The following DPYSL4 variants were observed in gnomAD, a reference collection of about 807,000 sequenced individuals.
DPYSL4 encodes dihydropyrimidinase-related protein 4.
Under a neutral mutation model 63.4 loss-of-function variants are expected in DPYSL4, and 43 were observed. The ratio of observed to expected loss-of-function variants is 0.68; its 90% CI spans 0.53 to 0.88. The LOEUF (loss-of-function observed/expected upper bound fraction) is 0.88, where lower values mean the gene tolerates loss of function less well. Among genes scored for constraint, DPYSL4 ranks in the 40% least tolerant of loss-of-function variants. The pLI, the probability that DPYSL4 is intolerant of heterozygous loss-of-function variation, is 0.00. For synonymous variants in DPYSL4, 353 were observed against 331.7 expected (o/e 1.06, Z -0.70); for missense variants, 733 against 819.5 (o/e 0.89, Z 1.29).
Position 132,198,847 on chromosome 10 carries a change from C to G in DPYSL4, c.691-4C>G. The G allele has an allele frequency of 6.2e-7, 1 of 1,612,834 alleles. No individual in the cohort carries two copies. The highest frequency in any genetic ancestry group is 8.5e-7 in the Non-Finnish European group (1 of 1,179,856). On this transcript the variant is annotated splice_region_variant and splice_polypyrimidine_tract_variant and intron_variant, in intron 7 of 13. Coordinates refer to ENST00000338492, the MANE Select transcript of DPYSL4 (RefSeq NM_006426.3). ...TGGCCTCATCCCTCTCATCTCGTCCCCAGGTGGAGGCTGAGGCGGTGTACC... is the reference window on the plus strand; with the variant it reads ...TGGCCTCATCCCTCTCATCTCGTCCGCAGGTGGAGGCTGAGGCGGTGTACC...
At chr10:132,202,477 C>T (rs1425161211) in intron 11 of DPYSL4, among the ~76,000 whole-genome samples, 169 bp from the exon 12 acceptor site, 3 of 152,244 alleles carry the variant, frequency 2.0e-5, no homozygotes, top group African/African-American at 7.2e-5. Flanking sequence ...CGAGGGGGGG[C>T]ATTCCTCCCG....
intron 1 of DPYSL4, among the ~76,000 whole-genome samples, chr10:132,188,616 G>C (rs2061834776): frequency 6.6e-6 from 1 of 152,228 alleles, no homozygotes; most frequent in African/African-American, 2.4e-5. Context: ...TGTAGACCAA[G>C]GGTCTAAAAC....
Position 132,203,822 on chromosome 10 carries a change from G to C in DPYSL4, c.1522G>C (p.Val508Leu), listed in dbSNP as rs751650284. The C allele has an allele frequency of 6.2e-7, 1 of 1,612,620 alleles. No individual in the cohort carries two copies. Among genetic ancestry groups the C allele is most frequent in the African/African-American group, 1.3e-5 (1 of 74,948 alleles). The change falls in exon 13 of 14, where the codon GTG (valine) becomes CTG (leucine). Residue 508 changes from valine (V) to leucine (L), a missense_variant. Transcript: ENST00000338492. The part of the protein sequence containing the change: ...LYDGPVHEVM[V>L]PAKPGSGAPA... Reference sequence around the variant, plus strand: ...TGACGGGCCCGTCCACGAGGTGATGGTGCCTGCCAAGCCAGGGAGTGGCGC... The same window carrying C: ...TGACGGGCCCGTCCACGAGGTGATGCTGCCTGCCAAGCCAGGGAGTGGCGC...
chr10:132,191,002 C>T (rs1269435417), intron 2 of DPYSL4, among the ~76,000 whole-genome samples, 167 bp downstream of exon 2: 10 of 108,268 alleles, frequency 9.2e-5, no homozygotes, highest in East Asian at 4.1e-4. Flanking sequence ...ACGCTGGCCA[C>T]GTGGTATCCA....
intron 1 of DPYSL4, among the ~76,000 whole-genome samples, chr10:132,189,511 G>A (rs556549882): frequency 1.3e-5 from 2 of 152,340 alleles, no homozygotes; most frequent in South Asian, 2.1e-4. Context: ...TGTGCTGCCA[G>A]GGCTGACCTA....
intron 13 of DPYSL4, 135 bp downstream of exon 13, chr10:132,204,062 G>A (rs1179977325): frequency 1.7e-6 from 2 of 1,190,636 alleles, no homozygotes; most frequent in Non-Finnish European, 2.3e-6. Context: ...GGCAGGAGAT[G>A]CTGCTGGGGG....
chr10:132,194,991 G>T lies in DPYSL4; in HGVS notation c.460G>T (p.Ala154Ser), dbSNP rs1287410714. The change falls in exon 4 of 14, where the codon GCC becomes TCC. Residue 154 changes from alanine to serine, a missense_variant. Coordinates refer to ENST00000338492, the MANE Select transcript of DPYSL4 (RefSeq NM_006426.3). ...TGAGAGCATCAAGGAGGAGCTGGAG[G>T]CCCTGGTCAAGGAGAAGGGTGAGGG... ...WHESIKEELEALVKEKGVNSF... is the reference protein window; with the variant it reads ...WHESIKEELESLVKEKGVNSF... 4.4e-6 allele frequency: 7 copies of T among 1,606,020 alleles called. No homozygotes were observed. The highest frequency in any genetic ancestry group is 5.1e-6 in the Non-Finnish European group (6 of 1,179,838).
intron 7 of DPYSL4, 40 bp downstream of exon 7, chr10:132,198,523 C>A: frequency 6.4e-7 from 1 of 1,552,304 alleles, no homozygotes; most frequent in South Asian, 1.2e-5. Flanking sequence ...GAGCCAACTC[C>A]GCCCAGACCA....
At chr10:132,193,581 C>T (rs1315089000) in intron 3 of DPYSL4, among the ~76,000 whole-genome samples, 1 of 152,252 alleles carries the variant, frequency 6.6e-6, no homozygotes, top group African/African-American at 2.4e-5. Context: ...GTGCCATTCA[C>T]TCTGCGGCGT....
intron 1 of DPYSL4, among the ~76,000 whole-genome samples, chr10:132,190,456 A>T (rs2061858811): frequency 6.6e-6 from 1 of 152,228 alleles, no homozygotes. Flanking sequence ...AAATCAGAAG[A>T]TATAAATATG....
At chr10:132,194,391 C>T (rs2061914656) in intron 3 of DPYSL4, among the ~76,000 whole-genome samples, 1 of 152,182 alleles carries the variant, frequency 6.6e-6, no homozygotes, top group Admixed American at 6.5e-5. Flanking sequence ...TCTTGTGGGG[C>T]ACTCGGGAAA....
intron 4 of DPYSL4, 33 bp downstream of exon 4, chr10:132,195,042 A>G (rs968118143): frequency 6.3e-7 from 1 of 1,586,782 alleles, no homozygotes; most frequent in Non-Finnish European, 8.5e-7. Flanking sequence ...GAGGGCGGGC[A>G]TGGAGCCTGG....
chr10:132,192,349 A>G (rs1035157318), intron 2 of DPYSL4: 33 of 1,038,748 alleles, frequency 3.2e-5, no homozygotes, highest in Non-Finnish European at 3.6e-5. Flanking sequence ...CTATTAGCGC[A>G]CCTGCTTCCG....
chr10:132,202,547 G>A lies in DPYSL4; in HGVS notation c.1282-99G>A, dbSNP rs1313211951. The A allele has an allele frequency of 2.7e-6, 4 of 1,492,250 alleles. No individual in the cohort carries two copies. In the East Asian group the frequency reaches 9.2e-5, roughly 34 times the overall value. 92.4% of individuals were successfully genotyped at this position (1,492,250 alleles called of 1,614,324 possible). A position where few individuals can be genotyped will look rare whatever the true frequency, so the allele number is the denominator to read the frequency against. ...GGCTCAGTGTAGGCACACCGGGCCT[G>A]CTCCACGCTGGGCGGCCACAGTGCT... On this transcript the variant is annotated intron_variant, in intron 11 of 13. Coordinates refer to ENST00000338492, the MANE Select transcript of DPYSL4 (RefSeq NM_006426.3).
At chr10:132,187,816 G>A (rs2061825143) in intron 1 of DPYSL4, among the ~76,000 whole-genome samples, 1 of 152,200 alleles carries the variant, frequency 6.6e-6, no homozygotes, top group Admixed American at 6.5e-5. Flanking sequence ...GGCGCGGGAG[G>A]TCCCGCTCTG....
intron 1 of DPYSL4, 151 bp from the exon 2 acceptor site, chr10:132,190,596 A>C (rs2061861395): frequency 6.2e-6 from 4 of 648,740 alleles, no homozygotes; most frequent in African/African-American, 1.8e-5. Context: ...TTCTTGGGGA[A>C]TAGTAAGCCG....
intron 4 of DPYSL4, 102 bp from the exon 5 acceptor site, chr10:132,196,759 G>A: frequency 7.4e-7 from 1 of 1,354,510 alleles, no homozygotes; most frequent in Non-Finnish European, 1.0e-6. Flanking sequence ...CTGCGGGGGA[G>A]GGGCCCAAGA....
chr10:132,187,539 C>T (rs1171797300), intron 1 of DPYSL4, among the ~76,000 whole-genome samples: 1 of 152,114 alleles, frequency 6.6e-6, no homozygotes, highest in African/African-American at 2.4e-5. Context: ...CGGGCTGGTC[C>T]GGGGCGCGGG....
Position 132,196,905 on chromosome 10 carries a change from C to A in DPYSL4, c.523C>A (p.Gln175Lys). 6.2e-7 allele frequency: 1 copy of A among 1,613,512 alleles called. No homozygotes were observed. The highest frequency in any genetic ancestry group is 8.5e-7 in the Non-Finnish European group (1 of 1,179,908). ...CTTCATGGCATACAAGGACCGGTGC[C>A]AGTGCAGCGACAGCCAGGTAAGGGC... ...LVFMAYKDRC[Q>K]CSDSQMYEIF... Residue 175 changes from glutamine to lysine, a missense_variant, in exon 5 of 14, where the codon CAG (glutamine) becomes AAG (lysine). Gln to Lys is a moderately conservative substitution (Grantham distance 53). Transcript: ENST00000338492.
Sources: gnomAD v4.1 joint callset for allele counts (sites outside exome capture counted in the v4.1 genomes callset) on GRCh38, gnomAD v4.1.1 for gene constraint, MANE v1.5 for transcripts, NCBI Gene and HGNC (gene_info 2026-07-23, HGNC 2026-07-21) for gene names.